KCNQ1: variants seen among roughly 807,000 people sequenced by gnomAD.
The protein encoded by KCNQ1 is potassium voltage-gated channel subfamily Q member 1, also known as potassium voltage-gated channel subfamily KQT member 1.
KCNQ1 carries 49 observed loss-of-function variants against 72.4 expected under a neutral mutation model. That is an observed-to-expected ratio of 0.68 (90% confidence interval 0.54 to 0.86). The LOEUF is 0.86. Among genes scored for constraint, KCNQ1 ranks in the 40% least tolerant of loss-of-function variants. The pLI is 0.00. For synonymous variants in KCNQ1, 450 were observed against 412.6 expected, an observed-to-expected ratio of 1.09 and a Z score of -1.10; for missense variants, 790 against 945.1, an observed-to-expected ratio of 0.84 and a Z score of 2.15.
rs570825479 is a variant in KCNQ1, at chr11:2,745,527, T to C, written c.1515-23317T>C. On this transcript the variant is annotated intron_variant, in intron 11 of 15. Coordinates refer to ENST00000155840, the MANE Select transcript of KCNQ1 (RefSeq NM_000218.3). The surrounding 1 kb of genome is among the most constrained non-coding windows in gnomAD (Gnocchi z 6.2). ...CTATTGATTGATCTTTTGATCCTGCTGATTGTCTAAGTGGATCGGTCCTAT... is the reference window on the plus strand; with the variant it reads ...CTATTGATTGATCTTTTGATCCTGCCGATTGTCTAAGTGGATCGGTCCTAT... 2.6e-5 allele frequency among the ~76,000 whole-genome samples: 4 copies of C among 152,366 alleles called. No individual in the cohort carries two copies. The South Asian group carries it at 8.3e-4, about 32-fold the overall frequency.
rs1167399959 is a variant in KCNQ1, at chr11:2,669,018, T to C, written c.1514+6937T>C. ...GGTCCACTCTTCCCCTACTTGGATATCCAGTCTAGCTCAGCACCCGGCATG... is the reference window on the plus strand; with the variant it reads ...GGTCCACTCTTCCCCTACTTGGATACCCAGTCTAGCTCAGCACCCGGCATG... On this transcript the variant is annotated intron_variant, in intron 11 of 15. Transcript: ENST00000155840. The surrounding 1 kb of genome is among the most constrained non-coding windows in gnomAD (Gnocchi z 5.6). 2.0e-5 allele frequency: 8 copies of C among 398,554 alleles called. No individual in the cohort carries two copies. The highest frequency in any genetic ancestry group is 8.8e-5 in the Admixed American group (2 of 22,720). 24.7% of individuals were successfully genotyped at this position (398,554 alleles called of 1,614,324 possible).
intron 1 of KCNQ1, among the ~76,000 whole-genome samples, chr11:2,517,226 C>A (rs1033049273): frequency 6.6e-6 from 1 of 152,212 alleles, no homozygotes; most frequent in Non-Finnish European, 1.5e-5. Flanking sequence ...CAGTCCCCAC[C>A]CTGCAGGGCC....
At chr11:2,490,120 A>G (rs1414793638) in intron 1 of KCNQ1, among the ~76,000 whole-genome samples, 1 of 152,188 alleles carries the variant, frequency 6.6e-6, no homozygotes, top group African/African-American at 2.4e-5. Context: ...GTGGACAACC[A>G]TGGTAGCCTG....
In KCNQ1 at chr11:2,620,943, G is replaced by C. The variant is rs1010427544; in HGVS notation, c.1393+32089G>C. The C allele has an allele frequency of 3.3e-6, 1 of 306,666 alleles. No homozygotes were observed. The highest frequency in any genetic ancestry group is 4.2e-5 in the African/African-American group (1 of 24,068). The allele number at this position is 306,666 out of a possible 1,614,324, so 19.0% of individuals were successfully genotyped here. ...GGTGTTTTTTTGTTGTTGTTGTTTT[G>C]TTTTGTTTTTTTTTGTCTGTTTTTT... On this transcript the variant is annotated intron_variant, in intron 10 of 15. Transcript: ENST00000155840. This position sits in a 1 kb window ranked among gnomAD's most constrained non-coding sequence, Gnocchi z 4.5.
rs972407065 is a variant in KCNQ1 at position 2,794,669 on chromosome 11, C to T, written c.1794+16632C>T. ...TGGAGGGGCGTCAGGGAGTACACCG[C>T]CTTCCCAGGTGAGGGTGTCCTGGAG... On this transcript the variant is annotated intron_variant, in intron 15 of 15. Coordinates refer to ENST00000155840, the MANE Select transcript of KCNQ1 (RefSeq NM_000218.3). Among the ~76,000 whole-genome samples, 8 of 152,242 alleles carry T rather than the reference C, an allele frequency of 5.3e-5. No individual in the cohort carries two copies. In the East Asian group the frequency reaches 9.7e-4, roughly 18 times the overall value.
chr11:2,680,999 T>G (rs1480562258), intron 11 of KCNQ1: 2 of 398,468 alleles, frequency 5.0e-6, no homozygotes, highest in African/African-American at 4.1e-5. Flanking sequence ...GAAATAGGTA[T>G]GTGTTCTTTT....
At chr11:2,744,699 C>T (rs1023655293) in intron 11 of KCNQ1, among the ~76,000 whole-genome samples, 2 of 152,148 alleles carry the variant, frequency 1.3e-5, no homozygotes, top group African/African-American at 4.8e-5. Context: ...TACGGTGTAC[C>T]GAATGCATCC....
Position 2,715,461 on chromosome 11 carries a change from A to G in KCNQ1, c.1514+53380A>G, listed in dbSNP as rs1851077293. 6.6e-6 allele frequency among the ~76,000 whole-genome samples: 1 copy of G among 152,056 alleles called. No homozygotes were observed. Among genetic ancestry groups the G allele is most frequent in the African/African-American group, 2.4e-5 (1 of 41,390 alleles). On this transcript the variant is annotated intron_variant, in intron 11 of 15. Transcript: ENST00000155840. The surrounding 1 kb of genome is among the most constrained non-coding windows in gnomAD (Gnocchi z 4.9). Reference sequence around the variant, plus strand: ...GGGGAGGCCAGGGAGGACCCCCTGCAGCCTGGCTCAGGCAGGGGCATGTGT... The same window carrying G: ...GGGGAGGCCAGGGAGGACCCCCTGCGGCCTGGCTCAGGCAGGGGCATGTGT...
chr11:2,576,652 C>G (rs938286387), intron 6 of KCNQ1, among the ~76,000 whole-genome samples: 3 of 152,266 alleles, frequency 2.0e-5, no homozygotes, highest in African/African-American at 7.2e-5. Context: ...CCTGGAGCCT[C>G]CAGAAATTCC....
intron 11 of KCNQ1, chr11:2,665,018 G>A: frequency 2.5e-6 from 1 of 398,680 alleles, no homozygotes; most frequent in Non-Finnish European, 4.4e-6. Context: ...GTTAGCCAGA[G>A]GTGGGGTGGG....
intron 6 of KCNQ1, among the ~76,000 whole-genome samples, chr11:2,577,918 C>A (rs1160384096): frequency 6.6e-6 from 1 of 152,146 alleles, no homozygotes. Flanking sequence ...AGGCCACCCC[C>A]CTAGGCCCCT....
Position 2,457,889 on chromosome 11 carries a change from A to G in KCNQ1, c.386+12405A>G, listed in dbSNP as rs893648930. 2.0e-5 allele frequency among the ~76,000 whole-genome samples: 3 copies of G among 151,992 alleles called. No homozygotes were observed. Among genetic ancestry groups the G allele is most frequent in the African/African-American group, 7.3e-5 (3 of 41,376 alleles). ...CCATCCCTGCATTTGAATGAGGACT[A>G]TCAGTATGCATCCAGGATGACGTTT... On this transcript the variant is annotated intron_variant, in intron 1 of 15. Coordinates refer to ENST00000155840, the MANE Select transcript of KCNQ1 (RefSeq NM_000218.3). This position sits in a 1 kb window ranked among gnomAD's most constrained non-coding sequence, Gnocchi z 5.0.
chr11:2,763,433 A>G (rs1846444020), intron 11 of KCNQ1, among the ~76,000 whole-genome samples: 1 of 151,990 alleles, frequency 6.6e-6, no homozygotes, highest in African/African-American at 2.4e-5. Flanking sequence ...GAAAGAAAGA[A>G]AGAAAGATTG....
At chr11:2,639,822 G>C (rs556429426) in intron 10 of KCNQ1, 1 of 152,702 alleles carries the variant, frequency 6.5e-6, no homozygotes, top group African/African-American at 2.4e-5. Context: ...GGAGTCTACA[G>C]AGGCAGGCAG....
At position 2,526,993 on chromosome 11, in the gene KCNQ1, C is replaced by T. The variant is rs1031599835; in HGVS notation, c.387-935C>T. On this transcript the variant is annotated intron_variant, in intron 1 of 15. Transcript: ENST00000155840. The surrounding 1 kb of genome is among the most constrained non-coding windows in gnomAD (Gnocchi z 6.1). The stretch of plus-strand genomic sequence containing the variant: ...GATCCACGGGGGTCCCTGGAGTCTC[C>T]GGAGCCCGTGGGAATCCCCCTAGAG... 6.6e-6 allele frequency among the ~76,000 whole-genome samples: 1 copy of T among 152,212 alleles called. No individual in the cohort carries two copies.
At position 2,663,080 on chromosome 11, in the gene KCNQ1, T is replaced by A; in HGVS notation, c.1514+999T>A. On this transcript the variant is annotated intron_variant, in intron 11 of 15. Transcript: ENST00000155840. This position sits in a 1 kb window ranked among gnomAD's most constrained non-coding sequence, Gnocchi z 5.2. ...AACTGGCAGGGTTGGGTAGCCAGAA[T>A]GAGGCCACCTCCAGGGAAGGAGTGG... 1 of 398,660 alleles carries A rather than the reference T, an allele frequency of 2.5e-6. No individual in the cohort carries two copies. Among genetic ancestry groups the A allele is most frequent in the Non-Finnish European group, 4.4e-6 (1 of 226,120 alleles). 24.7% of individuals were successfully genotyped at this position (398,660 alleles called of 1,614,324 possible). A position where few individuals can be genotyped will look rare whatever the true frequency, so the allele number is the denominator to read the frequency against.
intron 11 of KCNQ1, chr11:2,662,351 A>G: frequency 1.8e-6 from 1 of 559,164 alleles, no homozygotes; most frequent in Non-Finnish European, 3.2e-6. Flanking sequence ...ATGCTTTGAG[A>G]GTCTGAGATT....
chr11:2,512,510 C>G (rs1285044931), intron 1 of KCNQ1, among the ~76,000 whole-genome samples: 1 of 152,256 alleles, frequency 6.6e-6, no homozygotes, highest in African/African-American at 2.4e-5. Context: ...CCAGTCTTCC[C>G]TCAAGACAAG....
In KCNQ1 at chr11:2,498,207, G is replaced by A. The variant is rs185522216; in HGVS notation, c.387-29721G>A. Among the ~76,000 whole-genome samples, 10 of 152,312 alleles carry A rather than the reference G, an allele frequency of 6.6e-5. No homozygotes were observed. The highest frequency in any genetic ancestry group is 2.1e-4 in the South Asian group (1 of 4,832). On this transcript the variant is annotated intron_variant, in intron 1 of 15. Transcript: ENST00000155840. The surrounding 1 kb of genome is among the most constrained non-coding windows in gnomAD (Gnocchi z 4.8). ...TAGCAGAGCTCATGCACTGTGCTGC[G>A]AGAATCCCCCTTGTCAGGATCAGCT...
Sources: gnomAD v4.1 joint callset for allele counts (sites outside exome capture counted in the v4.1 genomes callset) on GRCh38, gnomAD v4.1.1 for gene constraint, Gnocchi (gnomAD v3.1) non-coding constraint, MANE v1.5 for transcripts, NCBI Gene and HGNC (gene_info 2026-07-23, HGNC 2026-07-21) for gene names.